The following TSPAN14 variants were observed in gnomAD, a reference collection of about 807,000 sequenced individuals.
The protein encoded by TSPAN14 is tetraspanin 14, also known as tetraspanin-14.
In TSPAN14, 16 loss-of-function variants were observed where a neutral mutation model predicts 36.6. The ratio of observed to expected loss-of-function variants is 0.44; its 90% confidence interval spans 0.30 to 0.66. TSPAN14 has a LOEUF of 0.66. TSPAN14 is among the 30% of genes least tolerant of loss of function. The pLI is 0.12. For synonymous variants in TSPAN14, 139 were observed against 143.8 expected, an observed-to-expected ratio of 0.97 and a Z score of 0.24; for missense variants, 231 against 355.1, an observed-to-expected ratio of 0.65 and a Z score of 2.81.
At chr10:80,472,281 G>A (rs1185026108) in intron 1 of TSPAN14, among the ~76,000 whole-genome samples, 2 of 152,130 alleles carry the variant, frequency 1.3e-5, no homozygotes, top group African/African-American at 4.8e-5. Flanking sequence ...CTTAATTTAA[G>A]TTTGTTTGTT....
chr10:80,486,244 C>G (rs57586694), intron 1 of TSPAN14, among the ~76,000 whole-genome samples: 2 of 152,390 alleles, frequency 1.3e-5, no homozygotes, highest in African/African-American at 4.8e-5. Context: ...AGAATCCTTG[C>G]TCCAGAGCGC....
chr10:80,512,658 T>C (rs918982305), intron 6 of TSPAN14, among the ~76,000 whole-genome samples: 3 of 152,174 alleles, frequency 2.0e-5, no homozygotes, highest in Non-Finnish European at 4.4e-5. Flanking sequence ...CATCATTAAC[T>C]GGGGAACAGT....
At chr10:80,473,366 C>T (rs1846664283) in intron 1 of TSPAN14, among the ~76,000 whole-genome samples, 1 of 152,188 alleles carries the variant, frequency 6.6e-6, no homozygotes, top group Non-Finnish European at 1.5e-5. Flanking sequence ...CACAGTGTTT[C>T]AGTCACTAAG....
chr10:80,489,335 A>C, intron 2 of TSPAN14, 21 bp downstream of exon 2: 1 of 1,462,748 alleles, frequency 6.8e-7, no homozygotes, highest in Non-Finnish European at 9.4e-7. Flanking sequence ...GAGAGCTGCC[A>C]CATTCCCTTG....
chr10:80,476,327 G>A (rs113801934), intron 1 of TSPAN14, among the ~76,000 whole-genome samples: 4,598 of 151,812 alleles, frequency 0.03, 158 homozygotes, highest in East Asian at 0.079. Flanking sequence ...CCCAGTTTGC[G>A]CCATTGCACT....
intron 1 of TSPAN14, among the ~76,000 whole-genome samples, chr10:80,481,822 T>G (rs1223946724): frequency 6.6e-6 from 1 of 152,104 alleles, no homozygotes; most frequent in East Asian, 1.9e-4. Flanking sequence ...TCTCGCTCTG[T>G]CGCTCACTGC....
intron 1 of TSPAN14, among the ~76,000 whole-genome samples, chr10:80,485,911 A>C (rs79640965): frequency 0.017 from 2,520 of 152,288 alleles, 80 homozygotes; most frequent in African/African-American, 0.058. Flanking sequence ...ATGGCCAAAA[A>C]TGGCATAATA....
intron 7 of TSPAN14, among the ~76,000 whole-genome samples, chr10:80,514,536 C>G (rs1447839570): frequency 6.6e-6 from 1 of 152,056 alleles, no homozygotes; most frequent in African/African-American, 2.4e-5. Context: ...GGAGTGTGCT[C>G]TTAGATGCAA....
chr10:80,516,078 T>C, intron 7 of TSPAN14, 126 bp from the exon 8 acceptor site: 1 of 1,461,702 alleles, frequency 6.8e-7, no homozygotes, highest in East Asian at 2.3e-5. Context: ...AGAGTCCTCC[T>C]TGCCTGCCTC....
At chr10:80,521,069 A>G (rs1237998008) in exon 9 of TSPAN14, 3 of 319,360 alleles carry the variant, frequency 9.4e-6, no homozygotes, top group Non-Finnish European at 1.8e-5. Context: ...TAATGGATGC[A>G]CAACCTTCCT....
intron 2 of TSPAN14, among the ~76,000 whole-genome samples, chr10:80,500,352 G>C (rs1233787422): frequency 1.8e-5 from 1 of 56,878 alleles, no homozygotes; most frequent in Non-Finnish European, 3.1e-5. Flanking sequence ...TTTTTGAGAC[G>C]AAGTTTTGCT....
chr10:80,460,960 G>A lies in TSPAN14; in HGVS notation c.-18+6589G>A, dbSNP rs146353753. 2.2e-3 allele frequency among the ~76,000 whole-genome samples: 342 copies of A among 152,250 alleles called. 1 individual carries two copies. The highest frequency in any genetic ancestry group is 7.8e-3 in the African/African-American group (326 of 41,552). ...GAGCTGGGCAGAGGGAGGTGCTGTG[G>A]GGGATCTCTTCCTCTTGCCTGGACT... On this transcript the variant is annotated intron_variant, in intron 1 of 8. Coordinates refer to ENST00000429989, the Ensembl canonical transcript of TSPAN14.
chr10:80,483,047 T>G (rs553313462), intron 1 of TSPAN14, among the ~76,000 whole-genome samples: 1 of 152,348 alleles, frequency 6.6e-6, no homozygotes, highest in South Asian at 2.1e-4. Flanking sequence ...CCAGTTCACT[T>G]TTCACACTTA....
At chr10:80,481,634 C>T (rs1847279592) in intron 1 of TSPAN14, among the ~76,000 whole-genome samples, 1 of 152,154 alleles carries the variant, frequency 6.6e-6, no homozygotes, top group Non-Finnish European at 1.5e-5. Flanking sequence ...AGGTAGAAAG[C>T]AGATGCATAA....
intron 8 of TSPAN14, among the ~76,000 whole-genome samples, chr10:80,517,036 C>T (rs569179613): frequency 2.6e-5 from 4 of 152,296 alleles, no homozygotes; most frequent in African/African-American, 9.6e-5. Context: ...AGGAGTCTTT[C>T]CAGTGCTGTT....
At chr10:80,483,358 A>G (rs1192299462) in intron 1 of TSPAN14, among the ~76,000 whole-genome samples, 2 of 152,200 alleles carry the variant, frequency 1.3e-5, no homozygotes, top group African/African-American at 4.8e-5. Flanking sequence ...CATGCTCTTA[A>G]CATTCCACTT....
At chr10:80,465,499 G>A (rs1209167398) in intron 1 of TSPAN14, among the ~76,000 whole-genome samples, 1 of 152,236 alleles carries the variant, frequency 6.6e-6, no homozygotes, top group Non-Finnish European at 1.5e-5. Context: ...TGCCCACTGA[G>A]CCAAAGGCAT....
intron 2 of TSPAN14, among the ~76,000 whole-genome samples, chr10:80,496,671 T>C (rs1243949110): frequency 6.6e-6 from 1 of 152,206 alleles, no homozygotes; most frequent in African/African-American, 2.4e-5. Flanking sequence ...TTGAGTGTTT[T>C]ACCATTCTCC....
chr10:80,520,520 C>T (rs1165571915), exon 9 of TSPAN14: 5 of 475,626 alleles, frequency 1.1e-5, no homozygotes, highest in African/African-American at 1.0e-4. Context: ...TTTGCACCCT[C>T]TTCTCACCTC....
Sources: gnomAD v4.1 joint callset for allele counts (sites outside exome capture counted in the v4.1 genomes callset) on GRCh38, gnomAD v4.1.1 for gene constraint, MANE v1.5 for transcripts, NCBI Gene and HGNC (gene_info 2026-07-23, HGNC 2026-07-21) for gene names.